LIX1: variants seen among roughly 807,000 people sequenced by gnomAD.
The protein encoded by LIX1 is protein limb expression 1 homolog.
LIX1 carries 24 observed loss-of-function variants against 33.4 expected under a neutral mutation model. The observed-to-expected ratio is 0.72, with a 90% CI of 0.52 to 1.01. The LOEUF is 1.01. LIX1 is among the 50% of genes least tolerant of loss of function. The probability of loss-of-function intolerance (pLI) is 0.00; values close to 1 mark genes in which losing one functional copy is unlikely to be tolerated. For missense variants in LIX1, 311 were observed against 339.2 expected (o/e 0.92, Z 0.65); for synonymous variants, 124 against 124.0 (o/e 1.00, Z 0.00).
intron 2 of LIX1, 152 bp from the exon 3 acceptor site, chr5:97,107,652 G>T (rs538629181): frequency 1.3e-6 from 1 of 776,288 alleles, no homozygotes. Flanking sequence ...TGAAGGTCAC[G>T]CAGATTTTCC....
chr5:97,116,549 T>C (rs758210405), intron 2 of LIX1, among the ~76,000 whole-genome samples: 11 of 152,142 alleles, frequency 7.2e-5, no homozygotes, highest in Non-Finnish European at 1.2e-4. Flanking sequence ...TTTTATAATA[T>C]AAACCACCTG....
intron 5 of LIX1, among the ~76,000 whole-genome samples, chr5:97,096,035 C>CTTA (rs1199819250): frequency 1.3e-5 from 2 of 152,192 alleles, no homozygotes; most frequent in African/African-American, 4.8e-5. Flanking sequence ...TGGAAAGCTC[C>CTTA]TTATACCCAC....
In LIX1 at chr5:97,123,604, G is replaced by A. The variant is rs73143149; in HGVS notation, c.246+862C>T. On this transcript the variant is annotated intron_variant, in intron 2 of 5. Coordinates refer to ENST00000274382, the MANE Select transcript of LIX1 (RefSeq NM_153234.5). ...CCAAAGCATCTTCATGCTGTGACCC[G>A]AGTAATCTTTCTGAAGTACATTTGA... Among the ~76,000 whole-genome samples the A allele has an allele frequency of 7.6e-3, 1,163 of 152,226 alleles. 14 individuals are homozygous for A. The highest frequency in any genetic ancestry group is 0.026 in the African/African-American group (1,089 of 41,530).
In LIX1 at chr5:97,095,051, C is replaced by CA. The variant is rs1224257629; in HGVS notation, c.562-17dup. On this transcript the variant is annotated splice_polypyrimidine_tract_variant and intron_variant, in intron 5 of 5. Transcript: ENST00000274382. Reference sequence around the variant, plus strand: ...AGATGACTTCCTGGGGGCCAAGAAACAAAGTCCAGGGTGTCAATAAAAAGC... The same window carrying CA: ...AGATGACTTCCTGGGGGCCAAGAAACAAAAGTCCAGGGTGTCAATAAAAAGC... 1 of 1,610,518 alleles carries CA rather than the reference C, an allele frequency of 6.2e-7. No homozygotes were observed. The highest frequency in any genetic ancestry group is 1.1e-5 in the South Asian group (1 of 90,824).
intron 1 of LIX1, among the ~76,000 whole-genome samples, chr5:97,139,548 A>C (rs1435238217): frequency 6.6e-6 from 1 of 152,256 alleles, no homozygotes; most frequent in Non-Finnish European, 1.5e-5. Flanking sequence ...GATGCATGAC[A>C]CATGAAACGA....
intron 4 of LIX1, among the ~76,000 whole-genome samples, chr5:97,104,796 C>T (rs867528937): frequency 1.3e-5 from 2 of 152,058 alleles, no homozygotes; most frequent in Admixed American, 6.5e-5. Flanking sequence ...TATTGTTTAA[C>T]GTGCACTGCA....
chr5:97,103,833 T>C (rs554322136), intron 4 of LIX1, among the ~76,000 whole-genome samples: 26 of 151,866 alleles, frequency 1.7e-4, no homozygotes, highest in Admixed American at 5.9e-4. Flanking sequence ...GGCATGGTGG[T>C]GGGCGCCTGT....
At chr5:97,103,983 A>C (rs566234905) in intron 4 of LIX1, among the ~76,000 whole-genome samples, 1 of 151,892 alleles carries the variant, frequency 6.6e-6, no homozygotes, top group African/African-American at 2.4e-5. Context: ...AAAAAAAAAA[A>C]AAAAAGAAAA....
intron 2 of LIX1, among the ~76,000 whole-genome samples, chr5:97,115,086 T>C (rs1747601766): frequency 6.6e-6 from 1 of 152,240 alleles, no homozygotes; most frequent in African/African-American, 2.4e-5. Flanking sequence ...ACTTCTCTGC[T>C]TAACAGTTTT....
Position 97,096,855 on chromosome 5 carries a change from C to T in LIX1, c.516G>A (p.Trp172Ter). ...ELMTIFQLLH[W>*]NGSLKALRET... ...CACGAAGGGCTTTTAGGCTTCCATTCCAGTGCAATAGTTGGAAAATGGTCA... is the reference window on the plus strand; with the variant it reads ...CACGAAGGGCTTTTAGGCTTCCATTTCAGTGCAATAGTTGGAAAATGGTCA... The change falls in exon 5 of 6, where the codon TGG becomes TGA. Residue 172 changes from tryptophan to a stop codon, truncating the protein, a stop_gained. Coordinates refer to ENST00000274382, the MANE Select transcript of LIX1 (RefSeq NM_153234.5). LOFTEE classifies it high-confidence loss of function. 1 of 1,614,050 alleles carries T rather than the reference C, an allele frequency of 6.2e-7. No homozygotes were observed. The highest frequency in any genetic ancestry group is 8.5e-7 in the Non-Finnish European group (1 of 1,179,904).
intron 1 of LIX1, among the ~76,000 whole-genome samples, chr5:97,140,686 G>T (rs1038079973): frequency 2.6e-5 from 4 of 152,212 alleles, no homozygotes; most frequent in African/African-American, 9.6e-5. Flanking sequence ...TTGGTAAGTG[G>T]TTGGATGTTT....
intron 1 of LIX1, among the ~76,000 whole-genome samples, chr5:97,127,638 G>T (rs1488288252): frequency 1.3e-5 from 2 of 152,170 alleles, no homozygotes; most frequent in Non-Finnish European, 2.9e-5. Flanking sequence ...ATTTGGGGTG[G>T]TAGCATCAAC....
intron 2 of LIX1, among the ~76,000 whole-genome samples, chr5:97,108,927 G>T (rs1467251508): frequency 6.6e-6 from 1 of 152,070 alleles, no homozygotes; most frequent in African/African-American, 2.4e-5. Flanking sequence ...ACAGAGCAAG[G>T]GTTCTGTGCC....
chr5:97,124,180 G>C (rs1747852965), intron 2 of LIX1, among the ~76,000 whole-genome samples: 1 of 152,096 alleles, frequency 6.6e-6, no homozygotes, highest in Non-Finnish European at 1.5e-5. Flanking sequence ...CTTTTTAGTT[G>C]ACAAACTAAG....
chr5:97,098,649 C>CT (rs1746518017), intron 4 of LIX1, among the ~76,000 whole-genome samples: 1 of 152,118 alleles, frequency 6.6e-6, no homozygotes, highest in Admixed American at 6.5e-5. Flanking sequence ...ACTTGGGAGG[C>CT]TGAGGCAGGA....
At chr5:97,135,498 T>C (rs1748152160) in intron 1 of LIX1, among the ~76,000 whole-genome samples, 1 of 152,154 alleles carries the variant, frequency 6.6e-6, no homozygotes, top group African/African-American at 2.4e-5. Flanking sequence ...TCACATTCTA[T>C]TGGGTAATGA....
intron 1 of LIX1, among the ~76,000 whole-genome samples, chr5:97,140,400 T>C (rs192162580): frequency 5.2e-4 from 79 of 152,280 alleles, no homozygotes; most frequent in African/African-American, 1.9e-3. Context: ...CAGAAAGAGC[T>C]TGGAGCAGGT....
chr5:97,142,606 C>CAGAGGG lies in LIX1; in HGVS notation c.-31_-30insCCCTCT. On this transcript the variant is annotated 5_prime_UTR_variant, in exon 1 of 6. Coordinates refer to ENST00000274382, the MANE Select transcript of LIX1 (RefSeq NM_153234.5). ...GGTCTGCCTGTGTGAGCCTCCTGTACAGAGTGTCCTCATGCCTGAATTCTT... is the reference window on the plus strand; with the variant it reads ...GGTCTGCCTGTGTGAGCCTCCTGTACAGAGGGAGAGTGTCCTCATGCCTGAATTCTT... The CAGAGGG allele has an allele frequency of 5.1e-6, 8 of 1,559,250 alleles. No individual in the cohort carries two copies. Among genetic ancestry groups the CAGAGGG allele is most frequent in the Non-Finnish European group, 6.2e-6 (7 of 1,130,488 alleles).
intron 5 of LIX1, among the ~76,000 whole-genome samples, chr5:97,095,547 G>A (rs1212520509): frequency 6.6e-6 from 1 of 152,180 alleles, no homozygotes; most frequent in African/African-American, 2.4e-5. Context: ...ATCAACTGTG[G>A]TATTAGCACA....
Sources: gnomAD v4.1 joint callset for allele counts (sites outside exome capture counted in the v4.1 genomes callset) on GRCh38, gnomAD v4.1.1 for gene constraint, MANE v1.5 for transcripts, NCBI Gene and HGNC (gene_info 2026-07-23, HGNC 2026-07-21) for gene names.